The following ZNF83 variants were observed in gnomAD, a reference collection of about 807,000 sequenced individuals.
ZNF83 encodes the protein zinc finger protein 83.
For synonymous variants in ZNF83, 209 were observed against 213.0 expected, an observed-to-expected ratio of 0.98 and a Z score of 0.17; for missense variants, 552 against 629.9, an observed-to-expected ratio of 0.88 and a Z score of 1.32.
Position 52,680,681 on chromosome 19 carries a change from C to G in ZNF83, c.-283+9762G>C, listed in dbSNP as rs575059775. Among the ~76,000 whole-genome samples the G allele has an allele frequency of 4.5e-5, 6 of 133,028 alleles. No individual in the cohort carries two copies. In the South Asian group the frequency reaches 9.5e-4, roughly 21 times the overall value. 87.3% of individuals were successfully genotyped at this position (133,028 alleles called of 152,430 possible). On this transcript the variant is annotated intron_variant, in intron 1 of 5. Coordinates refer to the ZNF83 transcript ENST00000594682. ...AGGCTGGAGTGCAGTGGCGCGATCTCGGCTCACTGCAAGCTCCGCCTCCCG... is the reference window on the plus strand; with the variant it reads ...AGGCTGGAGTGCAGTGGCGCGATCTGGGCTCACTGCAAGCTCCGCCTCCCG...
rs562342192 is a variant in ZNF83 at position 52,688,167 on chromosome 19, C to T, written c.-283+2276G>A. ...CACCTACTCATCTGATCCCAAAGTC[C>T]CCCTGCCCCTTCTTTTCTTTGGTAA... is the stretch of plus-strand genomic sequence containing the variant. On this transcript the variant is annotated intron_variant, in intron 1 of 5. Transcript: ENST00000594682. 9.0e-4 allele frequency among the ~76,000 whole-genome samples: 137 copies of T among 152,078 alleles called. No homozygotes were observed. In the Middle Eastern group the frequency reaches 0.014, roughly 15 times the overall value.
chr19:52,625,390 G>A (rs555319192), intron 2 of ZNF83, among the ~76,000 whole-genome samples: 5 of 152,100 alleles, frequency 3.3e-5, no homozygotes, highest in East Asian at 3.9e-4. Context: ...TCTCAAGGCC[G>A]CATTCTCCTT....
chr19:52,631,606 C>A (rs2060963239), intron 2 of ZNF83, among the ~76,000 whole-genome samples: 1 of 152,234 alleles, frequency 6.6e-6, no homozygotes, highest in South Asian at 2.1e-4. Context: ...TACCATTGTT[C>A]CTGGCCCGGA....
intron 1 of ZNF83, among the ~76,000 whole-genome samples, chr19:52,683,502 A>C (rs2061961404): frequency 2.7e-5 from 1 of 37,706 alleles, no homozygotes; most frequent in African/African-American, 2.5e-4. Context: ...CCTTCTCCCC[A>C]CCCTTCCTGA....
chr19:52,661,883 G>C (rs917758533), intron 1 of ZNF83, among the ~76,000 whole-genome samples: 1 of 151,238 alleles, frequency 6.6e-6, no homozygotes, highest in Non-Finnish European at 1.5e-5. Flanking sequence ...AGGGAAGAAA[G>C]GCTGCTTGTC....
At chr19:52,648,541 T>C (rs184931358) in intron 3 of ZNF83, among the ~76,000 whole-genome samples, 1 of 152,344 alleles carries the variant, frequency 6.6e-6, no homozygotes, top group African/African-American at 2.4e-5. Context: ...TTTACAAATG[T>C]CTGTATTTAG....
chr19:52,669,589 C>A (rs1366568087), intron 1 of ZNF83, among the ~76,000 whole-genome samples: 1 of 152,168 alleles, frequency 6.6e-6, no homozygotes, highest in African/African-American at 2.4e-5. Context: ...AACAACACTG[C>A]GCCCATTGAA....
At chr19:52,629,378 C>T (rs1382891062) in intron 2 of ZNF83, among the ~76,000 whole-genome samples, 3 of 152,100 alleles carry the variant, frequency 2.0e-5, no homozygotes, top group African/African-American at 7.2e-5. Flanking sequence ...TCAGTCCCAA[C>T]CCCAAGCATC....
At chr19:52,626,041 T>C (rs895672732) in intron 2 of ZNF83, among the ~76,000 whole-genome samples, 1 of 152,274 alleles carries the variant, frequency 6.6e-6, no homozygotes, top group Middle Eastern at 3.4e-3. Flanking sequence ...GTACACTCAT[T>C]TTTCTCATTC....
chr19:52,644,261 A>G (rs2061345661), intron 3 of ZNF83, among the ~76,000 whole-genome samples: 1 of 151,934 alleles, frequency 6.6e-6, no homozygotes, highest in Non-Finnish European at 1.5e-5. Flanking sequence ...CACAGAAAAA[A>G]AGCCACATCC....
upstream of ZNF83, chr19:52,638,529 G>C (rs887260080): frequency 6.6e-6 from 1 of 152,194 alleles, no homozygotes; most frequent in Non-Finnish European, 1.5e-5. Context: ...TCCCAGCGCA[G>C]AGGCATTTTT....
At chr19:52,629,583 C>T (rs548916995) in intron 2 of ZNF83, among the ~76,000 whole-genome samples, 3 of 152,162 alleles carry the variant, frequency 2.0e-5, no homozygotes, top group Non-Finnish European at 2.9e-5. Flanking sequence ...AGCCCTCCCC[C>T]ACCTGCCCAG....
chr19:52,668,109 CAA>C (rs2061678207), intron 1 of ZNF83, among the ~76,000 whole-genome samples: 1 of 152,144 alleles, frequency 6.6e-6, no homozygotes, highest in South Asian at 2.1e-4. Context: ...TCCTTTAAAA[CAA>C]GAGTCTCTCA....
intron 1 of ZNF83, among the ~76,000 whole-genome samples, chr19:52,675,113 T>C (rs1243424134): frequency 6.6e-6 from 1 of 152,210 alleles, no homozygotes; most frequent in Non-Finnish European, 1.5e-5. Context: ...CAAATCTTAT[T>C]AAACAAAGGA....
intron 1 of ZNF83, among the ~76,000 whole-genome samples, chr19:52,678,506 T>C (rs1015937106): frequency 6.6e-6 from 1 of 151,400 alleles, no homozygotes; most frequent in Non-Finnish European, 1.5e-5. Flanking sequence ...TTGTTTCTTA[T>C]GTAAAAACAA....
chr19:52,622,111 C>A (rs377683423), intron 2 of ZNF83, among the ~76,000 whole-genome samples: 4 of 152,158 alleles, frequency 2.6e-5, no homozygotes, highest in African/African-American at 7.2e-5. Context: ...TCCACTCCCC[C>A]ACCCTGTAAC....
At chr19:52,629,435 TCC>T (rs772722119) in intron 2 of ZNF83, among the ~76,000 whole-genome samples, 1 of 147,618 alleles carries the variant, frequency 6.8e-6, no homozygotes, top group Non-Finnish European at 1.5e-5. Flanking sequence ...TCTGAACTCT[TCC>T]CCTCCTCCCC....
chr19:52,620,917 C>T (rs1449434089), intron 2 of ZNF83, among the ~76,000 whole-genome samples: 2 of 152,192 alleles, frequency 1.3e-5, no homozygotes, highest in Non-Finnish European at 2.9e-5. Context: ...GTGACCCCCT[C>T]CTCTGCTGAC....
chr19:52,637,422 T>C (rs1434189600), intron 1 of ZNF83, among the ~76,000 whole-genome samples: 1 of 152,156 alleles, frequency 6.6e-6, no homozygotes, highest in African/African-American at 2.4e-5. Context: ...CTCACTCTGA[T>C]GAGATTCCCT....
Sources: allele counts gnomAD v4.1 joint callset (sites outside exome capture counted in the v4.1 genomes callset), GRCh38; gene constraint gnomAD v4.1.1; transcripts MANE v1.5; gene names NCBI Gene and HGNC (gene_info 2026-07-23, HGNC 2026-07-21).